The following WWC1 variants were observed in gnomAD, a reference collection of about 807,000 sequenced individuals.
WWC1 encodes WW and C2 domain containing 1.
Under a neutral mutation model 138.4 loss-of-function variants are expected in WWC1, and 55 were observed. That is an observed-to-expected ratio of 0.40 (90% CI 0.32 to 0.50). The LOEUF (loss-of-function observed/expected upper bound fraction) is 0.50. WWC1 is among the 20% of genes least tolerant of loss of function. The pLI, the probability that WWC1 is intolerant of heterozygous loss-of-function variation, is 0.72. For synonymous variants in WWC1, 524 were observed against 564.9 expected (o/e 0.93, Z 1.03); for missense variants, 1,226 against 1,420.4 (o/e 0.86, Z 2.20).
intron 15 of WWC1, among the ~76,000 whole-genome samples, chr5:168,436,971 C>T (rs1259265722): frequency 6.6e-6 from 1 of 152,222 alleles, no homozygotes; most frequent in East Asian, 1.9e-4. Flanking sequence ...GAGTCAACAC[C>T]TGTGTCCTTT....
Position 168,414,463 on chromosome 5 carries a change from G to T in WWC1, c.1057G>T (p.Glu353Ter). Residue 353 changes from glutamate to a stop codon, truncating the protein, a stop_gained, in exon 9 of 23, where the codon GAG becomes TAG. Transcript: ENST00000265293. LOFTEE classifies it high-confidence loss of function. The part of the protein sequence containing the change: ...LINEKEELLK[E>*]MRFISPRKWT... ...CAACGAGAAGGAGGAGCTGCTGAAGGAGATGCGCTTCATCAGCCCCCGCAA... is the reference window on the plus strand; with the variant it reads ...CAACGAGAAGGAGGAGCTGCTGAAGTAGATGCGCTTCATCAGCCCCCGCAA... 2 of 1,572,720 alleles carry T rather than the reference G, an allele frequency of 1.3e-6. No homozygotes were observed. Among genetic ancestry groups the T allele is most frequent in the East Asian group, 4.7e-5 (2 of 42,802 alleles).
chr5:168,292,316 G>T lies in WWC1; in HGVS notation c.119+45G>T. ...CTCCGTGCCCCCACACCCCCGCCTG[G>T]GCCCCCACCTGCCCCTGGAGCCGCC... On this transcript the variant is annotated intron_variant, in intron 1 of 22. Coordinates refer to ENST00000265293, the MANE Select transcript of WWC1 (RefSeq NM_015238.3). The surrounding 1 kb of genome is among the most constrained non-coding windows in gnomAD (Gnocchi z 4.4). 6.5e-7 allele frequency: 1 copy of T among 1,543,244 alleles called. No individual in the cohort carries two copies. The highest frequency in any genetic ancestry group is 8.7e-7 in the Non-Finnish European group (1 of 1,144,160).
chr5:168,387,123 A>G (rs541999576), intron 3 of WWC1, among the ~76,000 whole-genome samples: 1 of 152,326 alleles, frequency 6.6e-6, no homozygotes, highest in African/African-American at 2.4e-5. Context: ...AGGATCAACA[A>G]TGTGCCCAGG....
rs375518334 is a variant in WWC1, at chr5:168,408,527, C to T, written c.741C>T (p.Asp247=). ...DLIKSLAMLK[D]GFRTDRGSHS... Reference sequence around the variant, plus strand: ...TTCAGAGCCTTGCCATGTTGAAGGACGGCTTCCGCACTGACAGGGGGTCTC... The same window carrying T: ...TTCAGAGCCTTGCCATGTTGAAGGATGGCTTCCGCACTGACAGGGGGTCTC... The change falls in exon 7 of 23, where the codon GAC becomes GAT. Residue 247 remains aspartate, a synonymous_variant. Transcript: ENST00000265293. The T allele has an allele frequency of 1.8e-4, 293 of 1,614,062 alleles. No homozygotes were observed. The Middle Eastern group carries it at 0.01, about 55-fold the overall frequency.
intron 9 of WWC1, among the ~76,000 whole-genome samples, chr5:168,418,302 C>T (rs1242409901): frequency 6.6e-6 from 1 of 152,186 alleles, no homozygotes; most frequent in Non-Finnish European, 1.5e-5. Flanking sequence ...CCACTGCTCC[C>T]CAGAGCTGGT....
intron 7 of WWC1, among the ~76,000 whole-genome samples, chr5:168,409,148 G>A (rs759987194): frequency 6.6e-6 from 1 of 152,196 alleles, no homozygotes; most frequent in Non-Finnish European, 1.5e-5. Context: ...CTGTCCAGAT[G>A]TGGCTCAGGA....
At chr5:168,309,167 G>T (rs1044461381) in intron 1 of WWC1, among the ~76,000 whole-genome samples, 1 of 149,198 alleles carries the variant, frequency 6.7e-6, no homozygotes, top group African/African-American at 2.6e-5. Flanking sequence ...TCCAGAGGAG[G>T]TGGGGCATTT....
chr5:168,440,053 A>G (rs959488867), intron 15 of WWC1, among the ~76,000 whole-genome samples: 4 of 152,318 alleles, frequency 2.6e-5, no homozygotes, highest in Non-Finnish European at 4.4e-5. Context: ...CATTATCCTC[A>G]GTACCTAACA....
chr5:168,390,189 G>A (rs978485853), intron 3 of WWC1, among the ~76,000 whole-genome samples: 1 of 152,110 alleles, frequency 6.6e-6, no homozygotes, highest in East Asian at 1.9e-4. Flanking sequence ...ATCTTCATGG[G>A]AGTGTTATGG....
At chr5:168,328,116 C>T (rs574746842) in intron 1 of WWC1, among the ~76,000 whole-genome samples, 36 of 152,310 alleles carry the variant, frequency 2.4e-4, no homozygotes, top group Middle Eastern at 6.8e-3. Context: ...CCAAGTTCAG[C>T]GCTGCTTCTA....
intron 1 of WWC1, among the ~76,000 whole-genome samples, chr5:168,314,839 A>G (rs1771435023): frequency 6.6e-6 from 1 of 152,212 alleles, no homozygotes; most frequent in Non-Finnish European, 1.5e-5. Context: ...TGAGGGTGGC[A>G]GGAGGTGTGG....
At chr5:168,367,481 G>A (rs1051334351) in intron 1 of WWC1, among the ~76,000 whole-genome samples, 1 of 149,792 alleles carries the variant, frequency 6.7e-6, no homozygotes, top group African/African-American at 2.5e-5. Flanking sequence ...ACAGGCGCCC[G>A]CCACTGCGCC....
intron 1 of WWC1, among the ~76,000 whole-genome samples, chr5:168,297,685 C>A (rs1326160659): frequency 6.6e-6 from 1 of 150,534 alleles, no homozygotes; most frequent in African/African-American, 2.4e-5. Flanking sequence ...TGCCCAAGGT[C>A]ACACAGAAAA....
chr5:168,365,916 G>T (rs1254147701), intron 1 of WWC1, among the ~76,000 whole-genome samples: 5 of 152,242 alleles, frequency 3.3e-5, no homozygotes, highest in Non-Finnish European at 7.3e-5. Flanking sequence ...GGCAGCCCGA[G>T]TTGTGGAGGC....
Position 168,460,075 on chromosome 5 carries a change from T to C in WWC1, c.2824-575T>C, listed in dbSNP as rs1448564632. Among the ~76,000 whole-genome samples, 4 of 152,206 alleles carry C rather than the reference T, an allele frequency of 2.6e-5. No individual in the cohort carries two copies. The East Asian group carries it at 7.7e-4, about 29-fold the overall frequency. ...GATGCCCACGGGGAGAGTTACGATC[T>C]GCCCCATCATCTCTAAGGATATGGT... is the stretch of plus-strand genomic sequence containing the variant. On this transcript the variant is annotated intron_variant, in intron 19 of 22. Coordinates refer to ENST00000265293, the MANE Select transcript of WWC1 (RefSeq NM_015238.3).
intron 1 of WWC1, among the ~76,000 whole-genome samples, chr5:168,367,492 C>T (rs563246644): frequency 1.2e-4 from 18 of 148,176 alleles, no homozygotes; most frequent in East Asian, 2.0e-4. Context: ...CCACTGCGCC[C>T]GGCTAATTTT....
At chr5:168,324,601 G>T (rs113581912) in intron 1 of WWC1, among the ~76,000 whole-genome samples, 1,541 of 152,070 alleles carry the variant, frequency 0.01, 23 homozygotes, top group African/African-American at 0.035. Flanking sequence ...GGTGTATTGT[G>T]GATGATTTTT....
At chr5:168,302,256 G>A (rs934507931) in intron 1 of WWC1, among the ~76,000 whole-genome samples, 18 of 152,186 alleles carry the variant, frequency 1.2e-4, no homozygotes, top group Non-Finnish European at 2.5e-4. Context: ...GAAGGGCATT[G>A]GCATTTATCA....
At chr5:168,454,963 T>A (rs1477195051) in intron 18 of WWC1, among the ~76,000 whole-genome samples, 1 of 152,220 alleles carries the variant, frequency 6.6e-6, no homozygotes, top group Non-Finnish European at 1.5e-5. Context: ...CGTAGTACTT[T>A]GCCAGGGCTG....
Sources: gnomAD v4.1 joint callset for allele counts (sites outside exome capture counted in the v4.1 genomes callset) on GRCh38, gnomAD v4.1.1 for gene constraint, Gnocchi (gnomAD v3.1) non-coding constraint, MANE v1.5 for transcripts, NCBI Gene and HGNC (gene_info 2026-07-23, HGNC 2026-07-21) for gene names.